Variants in PMFBP1 observed in about 807,000 individuals in gnomAD.
PMFBP1 encodes the protein polyamine modulated factor 1 binding protein 1, also known as polyamine-modulated factor 1-binding protein 1.
A neutral mutation model predicts 137.8 loss-of-function variants in PMFBP1; 131 were observed. The ratio of observed to expected loss-of-function variants is 0.95; its 90% CI spans 0.82 to 1.10. The LOEUF (loss-of-function observed/expected upper bound fraction) is 1.10, where lower values mean the gene tolerates loss of function less well. Ranked by LOEUF, PMFBP1 falls within the 50% of genes least tolerant of loss-of-function variation. PMFBP1 has a pLI of 0.00. For synonymous variants in PMFBP1, 490 were observed against 450.4 expected, an observed-to-expected ratio of 1.09 and a Z score of -1.11; for missense variants, 1,199 against 1,175.4, an observed-to-expected ratio of 1.02 and a Z score of -0.29.
At chr16:72,203,832 C>T in the PMFBP1 span, among the ~76,000 whole-genome samples, 1 of 152,238 alleles carries the variant, frequency 6.6e-6, no homozygotes, top group South Asian at 2.1e-4. Context: ...TTCCTTACGA[C>T]TGACCCTTAA....
At position 72,139,452 on chromosome 16, in the gene PMFBP1, T is replaced by C. The variant is rs2042683185; in HGVS notation, c.808-53A>G. On this transcript the variant is annotated intron_variant, in intron 6 of 20. Transcript: ENST00000237353. ...TGGATGATCAATGGAACGTGCTTGT[T>C]ACCATGACTATTATTTCAGAGTGTT... 3 of 1,287,468 alleles carry C rather than the reference T, an allele frequency of 2.3e-6. No homozygotes were observed. In the Admixed American group the frequency reaches 5.3e-5, roughly 23 times the overall value. The allele number at this position is 1,287,468 out of a possible 1,614,324, so 79.8% of individuals were successfully genotyped here. A position where few individuals can be genotyped will look rare whatever the true frequency, so the allele number is the denominator to read the frequency against.
At chr16:72,216,521 C>G in the PMFBP1 span, among the ~76,000 whole-genome samples, 2 of 152,132 alleles carry the variant, frequency 1.3e-5, no homozygotes, top group East Asian at 3.9e-4. Flanking sequence ...GATATAAGGT[C>G]TCCTCTCAAG....
chr16:72,127,082 A>G (rs923408827), intron 14 of PMFBP1, among the ~76,000 whole-genome samples: 7 of 152,238 alleles, frequency 4.6e-5, no homozygotes, highest in Non-Finnish European at 8.8e-5. Context: ...GAGACCTCAG[A>G]AATTCATATG....
At chr16:72,171,323 T>A in intron 1 of PMFBP1, 55 bp from the exon 2 acceptor site, 2 of 1,258,114 alleles carry the variant, frequency 1.6e-6, no homozygotes, top group Non-Finnish European at 1.1e-6. Flanking sequence ...CTCTGCCCTT[T>A]AAAGATTTTC....
chr16:72,156,657 G>A (rs560314468), intron 3 of PMFBP1, among the ~76,000 whole-genome samples: 38 of 151,728 alleles, frequency 2.5e-4, no homozygotes, highest in Non-Finnish European at 4.9e-4. Flanking sequence ...CCTTTTTATT[G>A]CTGGATAGTA....
the PMFBP1 span, among the ~76,000 whole-genome samples, chr16:72,201,746 C>T: frequency 3.9e-5 from 6 of 152,262 alleles, no homozygotes; most frequent in African/African-American, 1.2e-4. Context: ...ACCCACTATA[C>T]GGTTAAACAC....
chr16:72,142,510 A>C (rs2042738780), intron 5 of PMFBP1, among the ~76,000 whole-genome samples: 1 of 152,204 alleles, frequency 6.6e-6, no homozygotes, highest in Non-Finnish European at 1.5e-5. Context: ...ACTGTGGTAC[A>C]AGGTGGTACA....
At chr16:72,147,125 A>C (rs1475427225) in intron 5 of PMFBP1, among the ~76,000 whole-genome samples, 1 of 152,244 alleles carries the variant, frequency 6.6e-6, no homozygotes, top group Non-Finnish European at 1.5e-5. Flanking sequence ...TTCAAACTAT[A>C]TTACAAGGCT....
At chr16:72,149,054 A>T (rs1358570611) in intron 5 of PMFBP1, among the ~76,000 whole-genome samples, 1 of 152,174 alleles carries the variant, frequency 6.6e-6, no homozygotes, top group Non-Finnish European at 1.5e-5. Context: ...TCCTTTGCCC[A>T]ACCTTGCTTT....
At chr16:72,233,042 T>C in the PMFBP1 span, among the ~76,000 whole-genome samples, 32 of 152,232 alleles carry the variant, frequency 2.1e-4, 1 homozygote, top group East Asian at 6.2e-3. Flanking sequence ...GCCATTTATA[T>C]TGGTAAAAAT....
At chr16:72,216,814 C>A in the PMFBP1 span, among the ~76,000 whole-genome samples, 1 of 152,184 alleles carries the variant, frequency 6.6e-6, no homozygotes, top group East Asian at 1.9e-4. Context: ...AGTGTACCCC[C>A]TTTTTGTTCC....
the PMFBP1 span, among the ~76,000 whole-genome samples, chr16:72,243,279 T>G: frequency 6.6e-6 from 1 of 152,206 alleles, no homozygotes; most frequent in South Asian, 2.1e-4. Context: ...GTCAATGGTG[T>G]CCTTCCTTAC....
chr16:72,133,690 C>T (rs913621426), intron 9 of PMFBP1, among the ~76,000 whole-genome samples: 17 of 152,044 alleles, frequency 1.1e-4, no homozygotes, highest in African/African-American at 3.4e-4. Context: ...GGTTGTCGGG[C>T]GACCATCAGG....
At chr16:72,155,148 C>T (rs1052693888) in intron 3 of PMFBP1, among the ~76,000 whole-genome samples, 1 of 152,144 alleles carries the variant, frequency 6.6e-6, no homozygotes, top group Admixed American at 6.6e-5. Flanking sequence ...CAGACACAGG[C>T]TAAGCACCTA....
At position 72,122,835 on chromosome 16, in the gene PMFBP1, G is replaced by A. The variant is rs1476308586; in HGVS notation, c.2768+79C>T. On this transcript the variant is annotated intron_variant, in intron 19 of 20. Coordinates refer to ENST00000237353, the MANE Select transcript of PMFBP1 (RefSeq NM_031293.3). ...TCCTGGGCTGATCCCCCTATCAAGG[G>A]CTAAAGCCAGCCCTGGCTCCCTGCT... is the stretch of plus-strand genomic sequence containing the variant. 7 of 1,386,756 alleles carry A rather than the reference G, an allele frequency of 5.0e-6. No homozygotes were observed. In the African/African-American group the frequency reaches 7.1e-5, roughly 14 times the overall value. The allele number at this position is 1,386,756 out of a possible 1,614,324, so 85.9% of individuals were successfully genotyped here.
the PMFBP1 span, among the ~76,000 whole-genome samples, chr16:72,246,642 C>T: frequency 6.6e-6 from 1 of 152,084 alleles, no homozygotes; most frequent in Non-Finnish European, 1.5e-5. Flanking sequence ...CTCTGTGAGG[C>T]TTCCTGTCTT....
chr16:72,144,159 T>A (rs2042767106), intron 5 of PMFBP1, among the ~76,000 whole-genome samples: 2 of 151,994 alleles, frequency 1.3e-5, no homozygotes, highest in African/African-American at 4.8e-5. Context: ...CAGAGAAAAG[T>A]ACAAAATCTT....
At chr16:72,220,502 G>A in the PMFBP1 span, among the ~76,000 whole-genome samples, 1 of 152,160 alleles carries the variant, frequency 6.6e-6, no homozygotes, top group Non-Finnish European at 1.5e-5. Flanking sequence ...TTTGAATAGA[G>A]GTTGTCTTTA....
chr16:72,217,993 A>C, the PMFBP1 span, among the ~76,000 whole-genome samples: 1 of 152,224 alleles, frequency 6.6e-6, no homozygotes, highest in Non-Finnish European at 1.5e-5. Context: ...GTCAGGAAGA[A>C]ATGCACAGTA....
Sources: allele counts gnomAD v4.1 joint callset (sites outside exome capture counted in the v4.1 genomes callset), GRCh38; gene constraint gnomAD v4.1.1; transcripts MANE v1.5; gene names NCBI Gene and HGNC (gene_info 2026-07-23, HGNC 2026-07-21).